Variants in DENND2B observed in about 807,000 individuals in gnomAD.
DENND2B encodes the protein DENN domain-containing protein 2B.
In DENND2B, 32 loss-of-function variants were observed where a neutral mutation model predicts 116.0. That is an observed-to-expected ratio of 0.28 (90% CI 0.21 to 0.37). The LOEUF is 0.37. Among genes scored for constraint, DENND2B ranks in the 10% least tolerant of loss-of-function variants. The probability of loss-of-function intolerance (pLI) is 1.00; values close to 1 mark genes in which losing one functional copy is unlikely to be tolerated. For missense variants in DENND2B, 1,276 were observed against 1,477.7 expected (o/e 0.86, Z 2.24); for synonymous variants, 588 against 583.9 (o/e 1.01, Z -0.10).
intron 1 of DENND2B, among the ~76,000 whole-genome samples, chr11:8,893,024 C>T (rs1307120845): frequency 6.6e-6 from 1 of 152,172 alleles, no homozygotes; most frequent in African/African-American, 2.4e-5. Flanking sequence ...CCGAATCCAG[C>T]AGCACATCGA....
In DENND2B at chr11:8,707,893, C is replaced by A; in HGVS notation, c.2353-39G>T. 1 of 1,583,986 alleles carries A rather than the reference C, an allele frequency of 6.3e-7. No homozygotes were observed. Among genetic ancestry groups the A allele is most frequent in the Non-Finnish European group, 8.6e-7 (1 of 1,165,448 alleles). On this transcript the variant is annotated intron_variant, in intron 11 of 19. Coordinates refer to ENST00000313726, the MANE Select transcript of DENND2B (RefSeq NM_213618.2). This position sits in a 1 kb window ranked among gnomAD's most constrained non-coding sequence, Gnocchi z 4.8. ...AGGAGGAGGAGGAGAGAGACAGACA[C>A]AGAGAATGCATGATTACCATTTCTG...
intron 3 of DENND2B, among the ~76,000 whole-genome samples, chr11:8,842,210 G>A (rs2062649080): frequency 6.6e-6 from 1 of 152,060 alleles, no homozygotes; most frequent in South Asian, 2.1e-4. Context: ...AAAAAGATAG[G>A]CTTTTTAGAG....
intron 5 of DENND2B, 145 bp downstream of exon 5, chr11:8,717,596 G>A (rs147795561): frequency 2.5e-5 from 24 of 966,448 alleles, no homozygotes; most frequent in African/African-American, 6.7e-5. Flanking sequence ...GATCGGGCAC[G>A]TTCAGGGTGG....
chr11:8,811,711 T>C (rs2061382535), upstream of DENND2B: 1 of 167,834 alleles, frequency 6.0e-6, no homozygotes, highest in African/African-American at 2.4e-5. Flanking sequence ...TTTATGACCA[T>C]TTTTTCAAGT....
chr11:8,885,029 C>T (rs2063945224), intron 1 of DENND2B, among the ~76,000 whole-genome samples: 1 of 152,198 alleles, frequency 6.6e-6, no homozygotes, highest in South Asian at 2.1e-4. Flanking sequence ...CATTCTTCCC[C>T]ATCTACCAAT....
intron 1 of DENND2B, among the ~76,000 whole-genome samples, chr11:8,804,587 C>T (rs941085333): frequency 3.1e-5 from 4 of 131,050 alleles, no homozygotes; most frequent in Non-Finnish European, 6.2e-5. Flanking sequence ...CTCTGTCGCC[C>T]AGGCTGGAGT....
At chr11:8,774,420 C>G (rs1174675242) in intron 1 of DENND2B, 1 of 741,240 alleles carries the variant, frequency 1.3e-6, no homozygotes, top group Non-Finnish European at 1.6e-6. Flanking sequence ...AGTGTCACTG[C>G]CATTAGCTGA....
rs2039853988 is a variant in DENND2B at position 8,693,951 on chromosome 11, T to C, written c.*145A>G. ...ATTATTTACAAACAGTATCCTGGGA[T>C]ATGATGAAGGCAGAGGTGGGCTGGC... On this transcript the variant is annotated 3_prime_UTR_variant, in exon 20 of 20. Transcript: ENST00000313726. The C allele has an allele frequency of 1.4e-6, 1 of 726,674 alleles. No homozygotes were observed. The highest frequency in any genetic ancestry group is 1.8e-5 in the African/African-American group (1 of 56,358). The allele number at this position is 726,674 out of a possible 1,614,324, so 45.0% of individuals were successfully genotyped here. A position where few individuals can be genotyped will look rare whatever the true frequency, so the allele number is the denominator to read the frequency against.
At chr11:8,808,553 A>G (rs1484157814) in intron 1 of DENND2B, 1 of 152,234 alleles carries the variant, frequency 6.6e-6, no homozygotes, top group African/African-American at 2.4e-5. Context: ...AAGTCTTTTC[A>G]GATTTTTCTC....
rs200977713 is a variant in DENND2B at position 8,694,143 on chromosome 11, G to C, written c.3380-13C>G. 1 of 1,614,058 alleles carries C rather than the reference G, an allele frequency of 6.2e-7. No individual in the cohort carries two copies. ...TTCATTTTGTTGCCTGTGGGCCAGA[G>C]AGGACAAGAGAGAATGTTCAGTGTT... is the stretch of plus-strand genomic sequence containing the variant. On this transcript the variant is annotated splice_polypyrimidine_tract_variant and intron_variant, in intron 19 of 19. Transcript: ENST00000313726.
intron 9 of DENND2B, 122 bp from the exon 10 acceptor site, chr11:8,711,353 C>A: frequency 2.7e-6 from 2 of 741,702 alleles, no homozygotes; most frequent in South Asian, 3.2e-5. Context: ...TCTCAGCAAC[C>A]CTTGTCCCAC....
intron 1 of DENND2B, among the ~76,000 whole-genome samples, chr11:8,803,705 T>C (rs2060559105): frequency 6.6e-6 from 1 of 152,188 alleles, no homozygotes; most frequent in Non-Finnish European, 1.5e-5. Flanking sequence ...CAATAACCCT[T>C]TGAGGTGGGT....
chr11:8,769,025 T>C (rs934227954), intron 1 of DENND2B, among the ~76,000 whole-genome samples: 2 of 152,098 alleles, frequency 1.3e-5, no homozygotes, highest in Non-Finnish European at 1.5e-5. Flanking sequence ...GAGAATACTG[T>C]AGTAATGTGG....
chr11:8,739,073 C>A (rs928062494), intron 2 of DENND2B, among the ~76,000 whole-genome samples: 5 of 152,200 alleles, frequency 3.3e-5, no homozygotes, highest in African/African-American at 1.2e-4. Flanking sequence ...CTGCAAAGTG[C>A]CTAGAACTTA....
At chr11:8,889,495 A>T (rs895160423) in intron 1 of DENND2B, among the ~76,000 whole-genome samples, 4 of 152,238 alleles carry the variant, frequency 2.6e-5, no homozygotes, top group Non-Finnish European at 4.4e-5. Context: ...TTTCCTAGCC[A>T]AGGGAAGCTG....
chr11:8,858,208 G>C (rs1410695108), intron 2 of DENND2B, among the ~76,000 whole-genome samples: 3 of 152,088 alleles, frequency 2.0e-5, no homozygotes, highest in Non-Finnish European at 2.9e-5. Flanking sequence ...ATACCATTTA[G>C]TCATTTATTT....
chr11:8,847,698 C>T (rs533493032), intron 3 of DENND2B, among the ~76,000 whole-genome samples: 11 of 152,174 alleles, frequency 7.2e-5, no homozygotes, highest in South Asian at 2.1e-4. Context: ...AAACAGACTA[C>T]GCAAGTGCTG....
At chr11:8,735,621 T>C (rs1198845364) in intron 2 of DENND2B, among the ~76,000 whole-genome samples, 1 of 152,212 alleles carries the variant, frequency 6.6e-6, no homozygotes, top group Non-Finnish European at 1.5e-5. Flanking sequence ...TTCCATGATG[T>C]CTGGATTGGA....
chr11:8,711,322 G>T, intron 9 of DENND2B, 91 bp from the exon 10 acceptor site: 1 of 1,076,130 alleles, frequency 9.3e-7, no homozygotes, highest in Non-Finnish European at 1.4e-6. Context: ...GGCCCTAGAT[G>T]CCACTGACTA....
Sources: allele counts gnomAD v4.1 joint callset (sites outside exome capture counted in the v4.1 genomes callset), GRCh38; gene constraint gnomAD v4.1.1; non-coding constraint Gnocchi (gnomAD v3.1); transcripts MANE v1.5; gene names NCBI Gene and HGNC (gene_info 2026-07-23, HGNC 2026-07-21).